The following PDE10A variants were observed in gnomAD, a reference collection of about 807,000 sequenced individuals.
PDE10A encodes cAMP and cAMP-inhibited cGMP 3',5'-cyclic phosphodiesterase 10A.
In PDE10A, 39 loss-of-function variants were observed where a neutral mutation model predicts 97.7. That is an observed-to-expected ratio of 0.40 (90% CI 0.31 to 0.52). The LOEUF is 0.52. Ranked by LOEUF, PDE10A falls within the 20% of genes least tolerant of loss-of-function variation. The probability of loss-of-function intolerance (pLI) is 0.56; values close to 1 mark genes in which losing one functional copy is unlikely to be tolerated. For missense variants in PDE10A, 731 were observed against 1,047.8 expected (o/e 0.70, Z 4.17); for synonymous variants, 371 against 376.8 (o/e 0.98, Z 0.18).
At chr6:165,910,086 T>G (rs1487964165) in intron 1 of PDE10A, among the ~76,000 whole-genome samples, 1 of 152,192 alleles carries the variant, frequency 6.6e-6, no homozygotes, top group Non-Finnish European at 1.5e-5. Flanking sequence ...CTTTGTTGTA[T>G]CCCCAGTGCC....
intron 11 of PDE10A, among the ~76,000 whole-genome samples, chr6:165,417,634 AC>A (rs200113092): frequency 1.1e-5 from 1 of 90,342 alleles, no homozygotes; most frequent in African/African-American, 5.0e-5. Context: ...AACAGCAACA[AC>A]AAAAAAAACC....
At chr6:165,659,039 C>G (rs867413245) in intron 1 of PDE10A, among the ~76,000 whole-genome samples, 1 of 152,186 alleles carries the variant, frequency 6.6e-6, no homozygotes, top group South Asian at 2.1e-4. Context: ...GTCCTGGGTC[C>G]TGGCGGTAGC....
intron 1 of PDE10A, among the ~76,000 whole-genome samples, chr6:165,767,450 G>A (rs1254534163): frequency 6.6e-6 from 1 of 152,122 alleles, no homozygotes; most frequent in African/African-American, 2.4e-5. Flanking sequence ...CATTCCTCCT[G>A]CACCCTGTCC....
chr6:165,436,250 A>G (rs2128240652), intron 5 of PDE10A, among the ~76,000 whole-genome samples: 1 of 152,332 alleles, frequency 6.6e-6, no homozygotes, highest in East Asian at 1.9e-4. Context: ...TGAAGCAATA[A>G]GTATTAGACA....
At chr6:165,474,509 G>A (rs1356784302) in intron 3 of PDE10A, among the ~76,000 whole-genome samples, 1 of 152,084 alleles carries the variant, frequency 6.6e-6, no homozygotes, top group African/African-American at 2.4e-5. Context: ...AAAACATTTT[G>A]AAGGAAAAAT....
At chr6:165,536,781 T>C (rs1057365578) in intron 2 of PDE10A, among the ~76,000 whole-genome samples, 2 of 151,930 alleles carry the variant, frequency 1.3e-5, no homozygotes, top group Admixed American at 1.3e-4. Flanking sequence ...AAAATGACTG[T>C]TGTCAAAAAA....
intron 1 of PDE10A, among the ~76,000 whole-genome samples, chr6:165,977,302 A>T (rs947890543): frequency 2.6e-5 from 4 of 152,236 alleles, no homozygotes; most frequent in African/African-American, 9.6e-5. Context: ...TTTCCTAGGC[A>T]GAGATTTCTC....
At position 165,708,920 on chromosome 6, in the gene PDE10A, C is replaced by G. The variant is rs1381829793; in HGVS notation, c.-614-165352G>C. On this transcript the variant is annotated intron_variant, in intron 1 of 19. Transcript: ENST00000366882. ...CCACGCTCACCCCCCACTCTCCACC[C>G]CCATGCTGCCACGCTCACGCCCCAC... 9.3e-4 allele frequency among the ~76,000 whole-genome samples: 10 copies of G among 10,778 alleles called. 1 individual carries two copies. The East Asian group carries it at 0.01, about 11-fold the overall frequency. The allele number at this position is 10,778 out of a possible 152,430, so 7.1% of individuals were successfully genotyped here. A position where few individuals can be genotyped will look rare whatever the true frequency, so the allele number is the denominator to read the frequency against.
At chr6:165,501,920 A>C (rs1178492483) in intron 2 of PDE10A, among the ~76,000 whole-genome samples, 1 of 152,218 alleles carries the variant, frequency 6.6e-6, no homozygotes, top group African/African-American at 2.4e-5. Flanking sequence ...ATTCATCAAA[A>C]CAGTGTGGTA....
chr6:165,413,906 T>C (rs142189424), intron 12 of PDE10A, among the ~76,000 whole-genome samples: 2 of 152,280 alleles, frequency 1.3e-5, no homozygotes, highest in African/African-American at 2.4e-5. Flanking sequence ...GGTTCTTTTG[T>C]CTCCAAGTGA....
At chr6:165,413,916 A>C (rs750118428) in intron 12 of PDE10A, among the ~76,000 whole-genome samples, 5 of 152,100 alleles carry the variant, frequency 3.3e-5, no homozygotes, top group Admixed American at 6.5e-5. Context: ...TCTCCAAGTG[A>C]GTTTTCTAGG....
chr6:165,783,378 C>A (rs1031494771), intron 1 of PDE10A, among the ~76,000 whole-genome samples: 14 of 152,140 alleles, frequency 9.2e-5, no homozygotes, highest in East Asian at 3.9e-4. Context: ...GATTTTTATC[C>A]CCCACTGTAG....
chr6:165,536,424 T>C (rs1783089596), intron 2 of PDE10A, among the ~76,000 whole-genome samples: 1 of 151,734 alleles, frequency 6.6e-6, no homozygotes. Flanking sequence ...GAGTAAGACC[T>C]CAAAAGCACA....
chr6:165,661,358 C>G lies in PDE10A; in HGVS notation c.865+589G>C, dbSNP rs1190260642. 6.6e-6 allele frequency: 1 copy of G among 152,254 alleles called. No homozygotes were observed. The highest frequency in any genetic ancestry group is 2.4e-5 in the African/African-American group (1 of 41,438). 9.4% of individuals were successfully genotyped at this position (152,254 alleles called of 1,614,324 possible). On this transcript the variant is annotated intron_variant, in intron 1 of 21. Transcript: ENST00000539869. This position sits in a 1 kb window ranked among gnomAD's most constrained non-coding sequence, Gnocchi z 4.8. ...TGGGTGGAGGTGCAACCGTTTCCAC[C>G]CCGCCAGTCCATGCTCTGGATGCCG...
chr6:165,606,262 A>G (rs1002833928), intron 1 of PDE10A, among the ~76,000 whole-genome samples: 5 of 152,140 alleles, frequency 3.3e-5, no homozygotes, highest in Admixed American at 1.3e-4. Context: ...AGAGAAGCTC[A>G]TAAGAGGGGC....
chr6:165,340,883 A>C (rs2128178992), intron 19 of PDE10A, among the ~76,000 whole-genome samples: 1 of 152,306 alleles, frequency 6.6e-6, no homozygotes, highest in Admixed American at 6.5e-5. Context: ...TTACAACAAG[A>C]GGATCAGAAG....
At chr6:165,478,669 A>T (rs1234778155) in intron 3 of PDE10A, among the ~76,000 whole-genome samples, 2 of 152,196 alleles carry the variant, frequency 1.3e-5, no homozygotes, top group Non-Finnish European at 2.9e-5. Flanking sequence ...GAAAATCTAC[A>T]TTCTGTAGAG....
At chr6:165,342,507 T>C (rs1782031980) in intron 19 of PDE10A, among the ~76,000 whole-genome samples, 1 of 152,262 alleles carries the variant, frequency 6.6e-6, no homozygotes, top group African/African-American at 2.4e-5. Context: ...ATACTTTGGC[T>C]TTATTATTAT....
chr6:165,391,500 A>T (rs1460718221), intron 16 of PDE10A, among the ~76,000 whole-genome samples: 1 of 152,206 alleles, frequency 6.6e-6, no homozygotes, highest in Admixed American at 6.5e-5. Context: ...CTTAAAAGGA[A>T]CAGAATGGAG....
Sources: gnomAD v4.1 joint callset for allele counts (sites outside exome capture counted in the v4.1 genomes callset) on GRCh38, gnomAD v4.1.1 for gene constraint, Gnocchi (gnomAD v3.1) non-coding constraint, MANE v1.5 for transcripts, NCBI Gene and HGNC (gene_info 2026-07-23, HGNC 2026-07-21) for gene names.